The following ATP8B2 variants were observed in gnomAD, a reference collection of about 807,000 sequenced individuals.
ATP8B2 encodes the protein ATPase phospholipid transporting 8B2, also known as phospholipid-transporting ATPase ID.
ATP8B2 carries 70 observed loss-of-function variants against 133.4 expected under a neutral mutation model. The ratio of observed to expected loss-of-function variants is 0.52; its 90% CI spans 0.43 to 0.64. The LOEUF (loss-of-function observed/expected upper bound fraction) is 0.64, where lower values mean the gene tolerates loss of function less well. Ranked by LOEUF, ATP8B2 falls within the 30% of genes least tolerant of loss-of-function variation. ATP8B2 has a pLI of 0.00. For missense variants in ATP8B2, 1,101 were observed against 1,535.7 expected (o/e 0.72, Z 4.73); for synonymous variants, 517 against 589.5 (o/e 0.88, Z 1.78).
intron 1 of ATP8B2, among the ~76,000 whole-genome samples, chr1:154,327,456 A>G (rs1685825966): frequency 1.3e-5 from 2 of 152,078 alleles, no homozygotes; most frequent in Admixed American, 6.5e-5. Flanking sequence ...CAAACTCCCC[A>G]CCAGGGTTGG....
At chr1:154,337,594 A>G (rs747265292) in intron 12 of ATP8B2, 50 bp downstream of exon 12, 28 of 1,614,062 alleles carry the variant, frequency 1.7e-5, no homozygotes, top group Non-Finnish European at 2.4e-5. Context: ...AGGCGGTCCC[A>G]TAGAACTTTT....
chr1:154,343,308 C>G lies in ATP8B2; in HGVS notation c.1642+7C>G. 3 of 1,613,736 alleles carry G rather than the reference C, an allele frequency of 1.9e-6. No individual in the cohort carries two copies. The highest frequency in any genetic ancestry group is 2.5e-6 in the Non-Finnish European group (3 of 1,179,796). On this transcript the variant is annotated splice_region_variant and intron_variant, in intron 16 of 27. Coordinates refer to ENST00000368489, the MANE Select transcript of ATP8B2 (RefSeq NM_001370597.1). This position sits in a 1 kb window ranked among gnomAD's most constrained non-coding sequence, Gnocchi z 5.8. The stretch of plus-strand genomic sequence containing the variant: ...AAGCGGATGTCGGTCATAGGTGAGG[C>G]CAGGCCTGGGGTGCTGGGGCGTTTG...
rs1686519131 is a variant in ATP8B2 at position 154,344,667 on chromosome 1, C to T, written c.2168C>T (p.Ser723Leu). Residue 723 changes from serine to leucine, a missense_variant, in exon 21 of 28, where the codon TCA becomes TTA. Coordinates refer to ENST00000368489, the MANE Select transcript of ATP8B2 (RefSeq NM_001370597.1). The surrounding 1 kb of genome is among the most constrained non-coding windows in gnomAD (Gnocchi z 4.1). ...AAAGCCCGGGAGAAGATGATGGACT[C>T]ATCCCGCTCCGTAGGCAACGGCTTC... Reference protein sequence around the residue: ...LRKAREKMMDSSRSVGNGFTY... With the variant: ...LRKAREKMMDLSRSVGNGFTY... The T allele has an allele frequency of 6.2e-7, 1 of 1,611,850 alleles. No individual in the cohort carries two copies. The highest frequency in any genetic ancestry group is 8.5e-7 in the Non-Finnish European group (1 of 1,178,050).
Position 154,344,962 on chromosome 1 carries a change from G to A in ATP8B2, c.2287-9G>A. The A allele has an allele frequency of 6.2e-7, 1 of 1,605,302 alleles. No homozygotes were observed. Among genetic ancestry groups the A allele is most frequent in the South Asian group, 1.1e-5 (1 of 90,158 alleles). ...AAGACTGGCTCTCTCAGGTTTCTCT[G>A]TGCTCCAGGCCCACGCACTGGAGGC... is the stretch of plus-strand genomic sequence containing the variant. On this transcript the variant is annotated splice_polypyrimidine_tract_variant and intron_variant, in intron 21 of 27. Coordinates refer to ENST00000368489, the MANE Select transcript of ATP8B2 (RefSeq NM_001370597.1). This position sits in a 1 kb window ranked among gnomAD's most constrained non-coding sequence, Gnocchi z 4.1.
rs1220958843 is a variant in ATP8B2, at chr1:154,342,836, A to T, written c.1328A>T (p.Asp443Val). ...GACTTCTCCTTCAATCCTCTGGCTG[A>T]CAAGAAGTTCTTATTTTGGGACCCC... ...PVDFSFNPLA[D>V]KKFLFWDPSL... The change falls in exon 15 of 28, where the codon GAC becomes GTC. Residue 443 changes from aspartate to valine, a missense_variant. Physicochemically the swap from Asp to Val is radical, Grantham distance 152. Coordinates refer to ENST00000368489, the MANE Select transcript of ATP8B2 (RefSeq NM_001370597.1). 6.2e-7 allele frequency: 1 copy of T among 1,614,176 alleles called. No individual in the cohort carries two copies. The highest frequency in any genetic ancestry group is 8.5e-7 in the Non-Finnish European group (1 of 1,180,022).
chr1:154,345,984 C>G lies in ATP8B2; in HGVS notation c.2778+101C>G. The G allele has an allele frequency of 2.4e-6, 3 of 1,238,894 alleles. No individual in the cohort carries two copies. In the Admixed American group the frequency reaches 5.4e-5, roughly 22 times the overall value. 76.7% of individuals were successfully genotyped at this position (1,238,894 alleles called of 1,614,324 possible). On this transcript the variant is annotated intron_variant, in intron 24 of 27. Coordinates refer to ENST00000368489, the MANE Select transcript of ATP8B2 (RefSeq NM_001370597.1). This position sits in a 1 kb window ranked among gnomAD's most constrained non-coding sequence, Gnocchi z 5.6. Reference sequence around the variant, plus strand: ...GACACTTGTGCCCATTTCCTGTGGCCACTGGGAAGGCAGTTCTTTCAGCCG... The same window carrying G: ...GACACTTGTGCCCATTTCCTGTGGCGACTGGGAAGGCAGTTCTTTCAGCCG...
rs1490415285 is a variant in ATP8B2, at chr1:154,350,801, G to A, written c.*1683G>A. 6.6e-6 allele frequency: 1 copy of A among 152,412 alleles called. No individual in the cohort carries two copies. Among genetic ancestry groups the A allele is most frequent in the African/African-American group, 2.4e-5 (1 of 41,450 alleles). 9.4% of individuals were successfully genotyped at this position (152,412 alleles called of 1,614,324 possible). A position where few individuals can be genotyped will look rare whatever the true frequency, so the allele number is the denominator to read the frequency against. ...GTCGCTACCTAATCAGCCTTGAGAA[G>A]AATCCTTTCCTCTTCTTTGATAGTG... On this transcript the variant is annotated 3_prime_UTR_variant, in exon 28 of 28. Coordinates refer to ENST00000368489, the MANE Select transcript of ATP8B2 (RefSeq NM_001370597.1).
chr1:154,345,639 T>C lies in ATP8B2; in HGVS notation c.2694+94T>C. On this transcript the variant is annotated intron_variant, in intron 23 of 27. Coordinates refer to ENST00000368489, the MANE Select transcript of ATP8B2 (RefSeq NM_001370597.1). This position sits in a 1 kb window ranked among gnomAD's most constrained non-coding sequence, Gnocchi z 5.6. The stretch of plus-strand genomic sequence containing the variant: ...ATCACTCAGTCCCCCAGGGCCTAGC[T>C]ATTTTCTGGTACATACTCTTAAAAA... 7.5e-7 allele frequency: 1 copy of C among 1,341,616 alleles called. No individual in the cohort carries two copies. The highest frequency in any genetic ancestry group is 1.3e-5 in the South Asian group (1 of 78,076). The allele number at this position is 1,341,616 out of a possible 1,614,324, so 83.1% of individuals were successfully genotyped here. A position where few individuals can be genotyped will look rare whatever the true frequency, so the allele number is the denominator to read the frequency against.
rs1466115469 is a variant in ATP8B2, at chr1:154,346,543, C to A, written c.3024+67C>A. The A allele has an allele frequency of 6.2e-7, 1 of 1,607,970 alleles. No homozygotes were observed. Among genetic ancestry groups the A allele is most frequent in the African/African-American group, 1.3e-5 (1 of 74,774 alleles). On this transcript the variant is annotated intron_variant, in intron 25 of 27. Transcript: ENST00000368489. This position sits in a 1 kb window ranked among gnomAD's most constrained non-coding sequence, Gnocchi z 4.5. ...TGAGCCTTCTGTCCCTGGGGCTGCC[C>A]TGGGCACCACAGTTCTGTTTCTGGG...
chr1:154,329,338 G>A (rs1159090341), intron 2 of ATP8B2, among the ~76,000 whole-genome samples: 6 of 152,198 alleles, frequency 3.9e-5, no homozygotes. Flanking sequence ...TGTGGCCTGG[G>A]TTTTGTTACT....
In ATP8B2 at chr1:154,348,591, G is replaced by C. The variant is rs149854871; in HGVS notation, c.3294+53G>C. On this transcript the variant is annotated intron_variant, in intron 27 of 27. Transcript: ENST00000368489. ...AGGCAGAGATGGGGTGGCTGGAAAG[G>C]CCTCATGTGAACACTGGGGGGCTCT... 3.1e-6 allele frequency: 5 copies of C among 1,601,954 alleles called. No homozygotes were observed. In the South Asian group the frequency reaches 5.5e-5, roughly 18 times the overall value.
In ATP8B2 at chr1:154,345,623, TC is replaced by T; in HGVS notation, c.2694+83del. The T allele has an allele frequency of 1.4e-6, 2 of 1,396,888 alleles. No homozygotes were observed. Among genetic ancestry groups the T allele is most frequent in the Non-Finnish European group, 2.0e-6 (2 of 1,002,680 alleles). The allele number at this position is 1,396,888 out of a possible 1,614,324, so 86.5% of individuals were successfully genotyped here. A position where few individuals can be genotyped will look rare whatever the true frequency, so the allele number is the denominator to read the frequency against. ...AGGTTCTGTCTTGTTTATCACTCAG[TC>T]CCCCAGGGCCTAGCTATTTTCTGGT... On this transcript the variant is annotated intron_variant, in intron 23 of 27. Coordinates refer to ENST00000368489, the MANE Select transcript of ATP8B2 (RefSeq NM_001370597.1). The surrounding 1 kb of genome is among the most constrained non-coding windows in gnomAD (Gnocchi z 5.6).
Position 154,337,434 on chromosome 1 carries a change from C to T in ATP8B2, c.924C>T (p.Val308=). ...ACGAGGTGGGGATGCGTTTCCAGGT[C>T]TACCTGCCGTGGGATGAGGCAGTGG... The part of the protein sequence containing the change: ...WEHEVGMRFQ[V]YLPWDEAVDS... The change falls in exon 12 of 28, where the codon GTC becomes GTT. Residue 308 remains valine (V), a synonymous_variant. Coordinates refer to ENST00000368489, the MANE Select transcript of ATP8B2 (RefSeq NM_001370597.1). The T allele has an allele frequency of 6.2e-7, 1 of 1,614,200 alleles. No individual in the cohort carries two copies. Among genetic ancestry groups the T allele is most frequent in the Non-Finnish European group, 8.5e-7 (1 of 1,180,046 alleles).
intron 11 of ATP8B2, among the ~76,000 whole-genome samples, chr1:154,335,387 T>C (rs1686143090): frequency 6.6e-6 from 1 of 152,150 alleles, no homozygotes; most frequent in African/African-American, 2.4e-5. Flanking sequence ...ATTTATAAGA[T>C]TTTTGACTAA....
Position 154,328,763 on chromosome 1 carries a change from CG to C in ATP8B2, c.31+597del, listed in dbSNP as rs1685879058. On this transcript the variant is annotated intron_variant, in intron 2 of 27. Coordinates refer to ENST00000368489, the MANE Select transcript of ATP8B2 (RefSeq NM_001370597.1). This position sits in a 1 kb window ranked among gnomAD's most constrained non-coding sequence, Gnocchi z 4.6. ...CCACTCAGCGCACGCTGGCATCCGC[CG>C]GGGGGCATGGGGGGCGGCGGCGGCG... 4.0e-6 allele frequency: 4 copies of C among 993,578 alleles called. No individual in the cohort carries two copies. Among genetic ancestry groups the C allele is most frequent in the Non-Finnish European group, 4.8e-6 (4 of 835,876 alleles). 61.5% of individuals were successfully genotyped at this position (993,578 alleles called of 1,614,324 possible). A position where few individuals can be genotyped will look rare whatever the true frequency, so the allele number is the denominator to read the frequency against.
chr1:154,330,264 T>C (rs1472155191), intron 2 of ATP8B2, 132 bp from the exon 3 acceptor site: 3 of 711,364 alleles, frequency 4.2e-6, no homozygotes, highest in Middle Eastern at 5.0e-4. Flanking sequence ...AGGGAAGAAT[T>C]TGATGACCCC....
intron 3 of ATP8B2, 164 bp from the exon 4 acceptor site, chr1:154,330,651 C>T: frequency 1.4e-6 from 1 of 735,726 alleles, no homozygotes; most frequent in Non-Finnish European, 2.3e-6. Flanking sequence ...ATACATTGAC[C>T]CCCTTGAGAC....
chr1:154,336,639 C>T (rs1045589217), intron 11 of ATP8B2, among the ~76,000 whole-genome samples: 4 of 151,842 alleles, frequency 2.6e-5, no homozygotes, highest in Non-Finnish European at 5.9e-5. Flanking sequence ...AGGTGCCCGC[C>T]ACCACACCCG....
Position 154,349,184 on chromosome 1 carries a change from C to G in ATP8B2, c.*66C>G. ...CAGGGCTGGCCAGTCACTGAGGGAA[C>G]AGCGTCTCGGAACTGCTGGTCCTCA... On this transcript the variant is annotated 3_prime_UTR_variant, in exon 28 of 28. Transcript: ENST00000368489. The G allele has an allele frequency of 6.4e-7, 1 of 1,555,138 alleles. No homozygotes were observed. The highest frequency in any genetic ancestry group is 8.7e-7 in the Non-Finnish European group (1 of 1,145,822).
Sources: gnomAD v4.1 joint callset for allele counts (sites outside exome capture counted in the v4.1 genomes callset) on GRCh38, gnomAD v4.1.1 for gene constraint, Gnocchi (gnomAD v3.1) non-coding constraint, MANE v1.5 for transcripts, NCBI Gene and HGNC (gene_info 2026-07-23, HGNC 2026-07-21) for gene names.